The following VASH2 variants were observed in gnomAD, a reference collection of about 807,000 sequenced individuals.
VASH2 encodes vasohibin 2, also known as tubulinyl-Tyr carboxypeptidase 2.
A neutral mutation model predicts 37.2 loss-of-function variants in VASH2; 28 were observed. The ratio of observed to expected loss-of-function variants is 0.75; its 90% CI spans 0.56 to 1.03. The LOEUF is 1.03. Among genes scored for constraint, VASH2 ranks in the 50% least tolerant of loss-of-function variants. The probability of loss-of-function intolerance (pLI) is 0.00; values close to 1 mark genes in which losing one functional copy is unlikely to be tolerated. For synonymous variants in VASH2, 188 were observed against 174.7 expected (o/e 1.08, Z -0.60); for missense variants, 419 against 459.1 (o/e 0.91, Z 0.80).
At chr1:212,962,779 CAGCCCT>C (rs1305771907) in intron 3 of VASH2, among the ~76,000 whole-genome samples, 1 of 152,198 alleles carries the variant, frequency 6.6e-6, no homozygotes, top group Non-Finnish European at 1.5e-5. Context: ...GTGAGGCTGG[CAGCCCT>C]AGCCCTTGGA....
chr1:212,967,470 T>C (rs1179680350), intron 5 of VASH2: 2 of 1,160,194 alleles, frequency 1.7e-6, no homozygotes, highest in Admixed American at 7.4e-5. Context: ...AGACAGGAGC[T>C]TGAGAGATGG....
intron 6 of VASH2, 146 bp from the exon 7 acceptor site, chr1:212,973,809 C>T (rs547480322): frequency 2.1e-6 from 3 of 1,420,052 alleles, no homozygotes; most frequent in Admixed American, 5.8e-5. Context: ...TGTCTCCAGC[C>T]TCCTTTTTTA....
intron 5 of VASH2, 127 bp downstream of exon 5, chr1:212,966,472 A>G (rs1666849178): frequency 2.6e-6 from 2 of 780,964 alleles, no homozygotes; most frequent in Non-Finnish European, 4.2e-6. Context: ...GAAAGTGTCA[A>G]ACTCCTCTGG....
intron 5 of VASH2, among the ~76,000 whole-genome samples, chr1:212,970,470 C>G (rs1666977390): frequency 6.6e-6 from 1 of 152,102 alleles, no homozygotes; most frequent in Non-Finnish European, 1.5e-5. Flanking sequence ...GCTTGCCTTT[C>G]TTATAACACA....
chr1:212,966,051 C>T lies in VASH2; in HGVS notation c.423-220C>T, dbSNP rs1666830132. 1.3e-5 allele frequency: 8 copies of T among 600,864 alleles called. No individual in the cohort carries two copies. The South Asian group carries it at 1.6e-4, about 12-fold the overall frequency. The allele number at this position is 600,864 out of a possible 1,614,324, so 37.2% of individuals were successfully genotyped here. ...TCATTTATTTGTTCTATTGTAATGC[C>T]CCCGTGCTGGGGCATTGGGAGGGTG... On this transcript the variant is annotated intron_variant, in intron 4 of 7. Coordinates refer to ENST00000517399, the MANE Select transcript of VASH2 (RefSeq NM_001301056.2).
Position 212,951,723 on chromosome 1 carries a change from C to T in VASH2, c.181C>T (p.His61Tyr), listed in dbSNP as rs1366818216. ...VNKSGFPIDS[H>Y]TWERMWMHVA... Reference sequence around the variant, plus strand: ...CAAGAGCGGCTTCCCCATCGACAGCCACACCTGGGAGCGCATGTGGATGCA... The same window carrying T: ...CAAGAGCGGCTTCCCCATCGACAGCTACACCTGGGAGCGCATGTGGATGCA... Residue 61 changes from histidine to tyrosine, a missense_variant, in exon 2 of 8, where the codon CAC becomes TAC. Physicochemically the swap from His to Tyr is moderately conservative, Grantham distance 83. Transcript: ENST00000517399. This position sits in a 1 kb window ranked among gnomAD's most constrained non-coding sequence, Gnocchi z 4.4. 2.5e-6 allele frequency: 4 copies of T among 1,605,670 alleles called. No homozygotes were observed. In the East Asian group the frequency reaches 9.0e-5, roughly 36 times the overall value.
intron 2 of VASH2, among the ~76,000 whole-genome samples, chr1:212,953,677 T>C (rs547365182): frequency 1.3e-5 from 2 of 152,298 alleles, no homozygotes; most frequent in South Asian, 4.2e-4. Flanking sequence ...ATCTCTGTCC[T>C]TAGTTTTCTC....
intron 5 of VASH2, chr1:212,966,833 CCTT>C (rs546270957): frequency 1.2e-5 from 4 of 344,880 alleles, no homozygotes; most frequent in South Asian, 6.8e-5. Flanking sequence ...GCTCAAGTGA[CCTT>C]CTGACCTCAG....
At chr1:212,985,928 T>C (rs1667464509) in intron 7 of VASH2, among the ~76,000 whole-genome samples, 1 of 152,170 alleles carries the variant, frequency 6.6e-6, no homozygotes, top group South Asian at 2.1e-4. Flanking sequence ...AAGATGTACT[T>C]TGTATTCAAG....
At chr1:212,986,139 T>C (rs1228613644) in intron 7 of VASH2, among the ~76,000 whole-genome samples, 1 of 152,180 alleles carries the variant, frequency 6.6e-6, no homozygotes, top group Non-Finnish European at 1.5e-5. Context: ...CCAGGAAAGG[T>C]AGTATGGAAA....
intron 5 of VASH2, among the ~76,000 whole-genome samples, chr1:212,970,615 C>T (rs748766910): frequency 6.6e-6 from 1 of 152,036 alleles, no homozygotes; most frequent in Non-Finnish European, 1.5e-5. Context: ...TCCGGCCAGG[C>T]GCAGTGGCTC....
chr1:212,973,368 C>G (rs1233222974), intron 6 of VASH2: 17 of 1,286,994 alleles, frequency 1.3e-5, no homozygotes, highest in South Asian at 2.5e-5. Flanking sequence ...TCCCTCTTCT[C>G]TCTCTCAGTT....
intron 5 of VASH2, chr1:212,966,925 G>A: frequency 2.6e-6 from 1 of 389,032 alleles, no homozygotes; most frequent in Non-Finnish European, 5.0e-6. Context: ...ATTTTTGGTA[G>A]AGATGAGGTT....
At position 212,973,996 on chromosome 1, in the gene VASH2, A is replaced by G. The variant is rs1667099156; in HGVS notation, c.921A>G (p.Arg307=). The change falls in exon 7 of 8, where the codon AGA becomes AGG. Residue 307 remains arginine (R), a synonymous_variant. Transcript: ENST00000517399. The stretch of plus-strand genomic sequence containing the variant: ...GTGCCCACTCTCCGACCCAAGTGAG[A>G]AGCCGGGGAAAATCCCTGTCCCCCA... The part of the protein sequence containing the change: ...PASAHSPTQV[R]SRGKSLSPRR... 6.2e-7 allele frequency: 1 copy of G among 1,613,910 alleles called. No individual in the cohort carries two copies. Among genetic ancestry groups the G allele is most frequent in the Non-Finnish European group, 8.5e-7 (1 of 1,179,946 alleles).
Position 212,989,304 on chromosome 1 carries a change from T to C in VASH2, c.*720T>C, listed in dbSNP as rs2075832219. On this transcript the variant is annotated 3_prime_UTR_variant, in exon 8 of 8. Transcript: ENST00000517399. ...AGCATTCACTGATGTTTTTGTTTTTTCAAAATGAAACAAAAATATCACATT... is the reference window on the plus strand; with the variant it reads ...AGCATTCACTGATGTTTTTGTTTTTCCAAAATGAAACAAAAATATCACATT... The C allele has an allele frequency of 6.6e-6, 1 of 152,260 alleles. No homozygotes were observed. Among genetic ancestry groups the C allele is most frequent in the Admixed American group, 6.5e-5 (1 of 15,284 alleles). The allele number at this position is 152,260 out of a possible 1,614,324, so 9.4% of individuals were successfully genotyped here.
chr1:212,958,479 C>A (rs1666565012), intron 2 of VASH2, among the ~76,000 whole-genome samples: 1 of 152,188 alleles, frequency 6.6e-6, no homozygotes, highest in Non-Finnish European at 1.5e-5. Context: ...GCCGTCTGCT[C>A]CCACCCTGCC....
At chr1:212,969,992 A>G (rs1466615722) in intron 5 of VASH2, among the ~76,000 whole-genome samples, 1 of 152,282 alleles carries the variant, frequency 6.6e-6, no homozygotes, top group East Asian at 1.9e-4. Context: ...CTGGAGAGGT[A>G]GATCTTTGCT....
intron 7 of VASH2, among the ~76,000 whole-genome samples, chr1:212,982,585 C>T (rs1667369541): frequency 6.6e-6 from 1 of 152,220 alleles, no homozygotes; most frequent in Admixed American, 6.5e-5. Context: ...AGCTCTGGCC[C>T]TGAGATGAGC....
intron 2 of VASH2, among the ~76,000 whole-genome samples, chr1:212,957,622 T>A (rs1666536289): frequency 6.6e-6 from 1 of 151,350 alleles, no homozygotes; most frequent in South Asian, 2.1e-4. Context: ...TTACACTTTT[T>A]TTTTTTTTTT....
Sources: gnomAD v4.1 joint callset for allele counts (sites outside exome capture counted in the v4.1 genomes callset) on GRCh38, gnomAD v4.1.1 for gene constraint, Gnocchi (gnomAD v3.1) non-coding constraint, MANE v1.5 for transcripts, NCBI Gene and HGNC (gene_info 2026-07-23, HGNC 2026-07-21) for gene names.